The following TXNDC12 variants were observed in gnomAD, a reference collection of about 807,000 sequenced individuals.
TXNDC12 encodes thioredoxin domain-containing protein 12.
Under a neutral mutation model 24.2 loss-of-function variants are expected in TXNDC12, and 22 were observed. That is an observed-to-expected ratio of 0.91 (90% CI 0.65 to 1.30). The LOEUF (loss-of-function observed/expected upper bound fraction) is 1.30. Among genes scored for constraint, TXNDC12 ranks in the 50% most tolerant of loss-of-function variants. The probability of loss-of-function intolerance (pLI) is 0.00; values close to 1 mark genes in which losing one functional copy is unlikely to be tolerated. For missense variants in TXNDC12, 184 were observed against 205.8 expected (o/e 0.89, Z 0.65); for synonymous variants, 58 against 73.4 (o/e 0.79, Z 1.07).
intron 1 of TXNDC12, among the ~76,000 whole-genome samples, chr1:52,054,467 G>A (rs113693333): frequency 6.6e-6 from 1 of 152,204 alleles, no homozygotes; most frequent in Non-Finnish European, 1.5e-5. Context: ...AAGGACAATT[G>A]TTGGGGACCC....
chr1:52,051,056 A>G (rs1686190523), intron 1 of TXNDC12: 1 of 169,252 alleles, frequency 5.9e-6, no homozygotes, highest in African/African-American at 2.4e-5. Flanking sequence ...TCATCTGTTA[A>G]GTGGGAATAA....
chr1:52,051,317 T>C (rs1186372843), intron 1 of TXNDC12, among the ~76,000 whole-genome samples: 1 of 152,182 alleles, frequency 6.6e-6, no homozygotes, highest in Non-Finnish European at 1.5e-5. Flanking sequence ...ATTAATTGGT[T>C]GTCACGTAGG....
chr1:52,039,190 TTGTAA>T (rs146551581), intron 2 of TXNDC12, among the ~76,000 whole-genome samples: 242 of 152,122 alleles, frequency 1.6e-3, no homozygotes, highest in African/African-American at 5.7e-3. Context: ...CAATTTTTTC[TTGTAA>T]TGTCATGAGC....
At chr1:52,046,131 T>G (rs1186672853) in intron 1 of TXNDC12, among the ~76,000 whole-genome samples, 1 of 151,792 alleles carries the variant, frequency 6.6e-6, no homozygotes, top group African/African-American at 2.4e-5. Flanking sequence ...GAGGATCGAT[T>G]GAGCCTGTAG....
At chr1:52,028,362 C>G (rs3753197) in intron 3 of TXNDC12, among the ~76,000 whole-genome samples, 27 of 152,124 alleles carry the variant, frequency 1.8e-4, no homozygotes, top group African/African-American at 6.0e-4. Context: ...TAATCCCATA[C>G]GTGACATAAC....
intron 1 of TXNDC12, among the ~76,000 whole-genome samples, chr1:52,053,211 C>T (rs1442100102): frequency 2.0e-5 from 3 of 151,908 alleles, no homozygotes; most frequent in Non-Finnish European, 2.9e-5. Context: ...TGCAGTAAGC[C>T]GAGATTGCAC....
chr1:52,027,256 G>A lies in TXNDC12; in HGVS notation c.285+19C>T. 2 of 1,572,720 alleles carry A rather than the reference G, an allele frequency of 1.3e-6. No individual in the cohort carries two copies. The highest frequency in any genetic ancestry group is 1.7e-6 in the Non-Finnish European group (2 of 1,145,490). On this transcript the variant is annotated intron_variant, in intron 4 of 6. Coordinates refer to ENST00000371626, the MANE Select transcript of TXNDC12 (RefSeq NM_015913.4). Reference sequence around the variant, plus strand: ...AGTCTTAAAATCATAGCAGAAAGGAGAAACTCTCAAAGTCTTACCTCAAGA... The same window carrying A: ...AGTCTTAAAATCATAGCAGAAAGGAAAAACTCTCAAAGTCTTACCTCAAGA...
Position 52,020,927 on chromosome 1 carries a change from T to C in TXNDC12, c.*6A>G. 1 of 1,611,804 alleles carries C rather than the reference T, an allele frequency of 6.2e-7. No individual in the cohort carries two copies. Among genetic ancestry groups the C allele is most frequent in the Non-Finnish European group, 8.5e-7 (1 of 1,177,900 alleles). On this transcript the variant is annotated 3_prime_UTR_variant, in exon 7 of 7. Transcript: ENST00000371626. ...TAACTCTGATGAAAGAAGGGGCACA[T>C]TCATGTTACAATTCATCTTCAAGAT...
rs933498292 is a variant in TXNDC12 at position 52,020,280 on chromosome 1, G to A, written c.*653C>T. On this transcript the variant is annotated 3_prime_UTR_variant, in exon 7 of 7. Transcript: ENST00000371626. ...GTTTCTCCAACAGTAACAAGGGAAA[G>A]CATGCTTCCACCTGGAGCCGAGTCC... 8 of 364,514 alleles carry A rather than the reference G, an allele frequency of 2.2e-5. No homozygotes were observed. Among genetic ancestry groups the A allele is most frequent in the African/African-American group, 4.2e-5 (2 of 48,026 alleles). 22.6% of individuals were successfully genotyped at this position (364,514 alleles called of 1,614,324 possible).
At chr1:52,032,452 T>C in intron 2 of TXNDC12, 4 of 1,276,420 alleles carry the variant, frequency 3.1e-6, no homozygotes, top group Non-Finnish European at 4.0e-6. Context: ...CTGTCCACCT[T>C]AGCTCTGTCC....
chr1:52,032,683 C>T (rs373472716), intron 2 of TXNDC12: 1 of 1,571,178 alleles, frequency 6.4e-7, no homozygotes, highest in South Asian at 1.2e-5. Context: ...TGGCTTCCCC[C>T]CTACCTCCTC....
At chr1:52,042,088 A>G (rs1686004358) in intron 1 of TXNDC12, among the ~76,000 whole-genome samples, 1 of 152,166 alleles carries the variant, frequency 6.6e-6, no homozygotes, top group Non-Finnish European at 1.5e-5. Context: ...TTCCTCCTTC[A>G]TCTGTAAAAG....
intron 1 of TXNDC12, among the ~76,000 whole-genome samples, chr1:52,054,264 A>G (rs1038452621): frequency 6.6e-6 from 1 of 151,996 alleles, no homozygotes; most frequent in Non-Finnish European, 1.5e-5. Flanking sequence ...CAATTCATCT[A>G]CTTAGAAAAG....
intron 2 of TXNDC12, among the ~76,000 whole-genome samples, chr1:52,041,255 C>T (rs549960697): frequency 6.6e-6 from 1 of 152,040 alleles, no homozygotes; most frequent in Non-Finnish European, 1.5e-5. Flanking sequence ...ATGGCGTGAG[C>T]CCAGGAGGTG....
intron 1 of TXNDC12, among the ~76,000 whole-genome samples, chr1:52,045,259 T>G (rs1349938466): frequency 6.6e-6 from 1 of 151,994 alleles, no homozygotes. Context: ...GGGAGAGAGA[T>G]GAATAAGTGG....
At chr1:52,050,439 T>C (rs996979809) in intron 1 of TXNDC12, among the ~76,000 whole-genome samples, 2 of 152,174 alleles carry the variant, frequency 1.3e-5, no homozygotes, top group African/African-American at 4.8e-5. Flanking sequence ...ATTAATTTTT[T>C]AAAAAAGAAA....
chr1:52,040,819 T>C (rs1054775508), intron 2 of TXNDC12, among the ~76,000 whole-genome samples: 2 of 133,806 alleles, frequency 1.5e-5, no homozygotes, highest in Non-Finnish European at 3.2e-5. Flanking sequence ...TCGCCTGAGG[T>C]TGGGAGCTCA....
At chr1:52,047,595 G>C (rs1232285601) in intron 1 of TXNDC12, among the ~76,000 whole-genome samples, 1 of 152,090 alleles carries the variant, frequency 6.6e-6, no homozygotes, top group Non-Finnish European at 1.5e-5. Context: ...CCGATTTGTA[G>C]AGTTAAAAAA....
chr1:52,027,502 T>C (rs945887637), intron 3 of TXNDC12, among the ~76,000 whole-genome samples, 154 bp from the exon 4 acceptor site: 1 of 152,174 alleles, frequency 6.6e-6, no homozygotes, highest in African/African-American at 2.4e-5. Context: ...AAAACAAGAA[T>C]TAGGCTACCT....
Sources: allele counts gnomAD v4.1 joint callset (sites outside exome capture counted in the v4.1 genomes callset), GRCh38; gene constraint gnomAD v4.1.1; transcripts MANE v1.5; gene names NCBI Gene and HGNC (gene_info 2026-07-23, HGNC 2026-07-21).